Variants in CDS2 observed in about 807,000 individuals in gnomAD.
The protein encoded by CDS2 is CDP-diacylglycerol synthase 2.
A neutral mutation model predicts 59.0 loss-of-function variants in CDS2; 47 were observed. The observed-to-expected ratio is 0.80, with a 90% CI of 0.63 to 1.02. CDS2 has a LOEUF of 1.02. Ranked by LOEUF, CDS2 falls within the 50% of genes least tolerant of loss-of-function variation. The pLI, the probability that CDS2 is intolerant of heterozygous loss-of-function variation, is 0.00. For missense variants in CDS2, 356 were observed against 558.9 expected (o/e 0.64, Z 3.66); for synonymous variants, 207 against 206.4 (o/e 1.00, Z -0.02).
intron 1 of CDS2, among the ~76,000 whole-genome samples, chr20:5,134,631 C>T (rs1219545720): frequency 6.6e-6 from 1 of 152,144 alleles, no homozygotes. Context: ...AGTGATTCTC[C>T]TGCCTCAGCC....
intron 1 of CDS2, among the ~76,000 whole-genome samples, chr20:5,147,876 A>C (rs1283206879): frequency 2.0e-5 from 3 of 152,092 alleles, no homozygotes; most frequent in Non-Finnish European, 1.5e-5. Flanking sequence ...AGGAAAAACC[A>C]GTCTTTCAGC....
rs57279708 is a variant in CDS2 at position 5,176,756 on chromosome 20, C to G, written c.389+11C>G. 1 of 1,594,024 alleles carries G rather than the reference C, an allele frequency of 6.3e-7. No individual in the cohort carries two copies. Among genetic ancestry groups the G allele is most frequent in the South Asian group, 1.1e-5 (1 of 90,658 alleles). On this transcript the variant is annotated intron_variant, in intron 4 of 12. Coordinates refer to ENST00000460006, the MANE Select transcript of CDS2 (RefSeq NM_003818.4). Reference sequence around the variant, plus strand: ...CAGGACGCTCAGCTGGTAAGCTCTCCGGCCCCACAGAGGCTTTTAGAATTT... The same window carrying G: ...CAGGACGCTCAGCTGGTAAGCTCTCGGGCCCCACAGAGGCTTTTAGAATTT...
At chr20:5,149,564 T>G (rs2090772082) in intron 1 of CDS2, among the ~76,000 whole-genome samples, 1 of 152,020 alleles carries the variant, frequency 6.6e-6, no homozygotes, top group African/African-American at 2.4e-5. Flanking sequence ...GGTACTTAAT[T>G]TATATGTTTA....
At chr20:5,179,287 A>T (rs2091016417) in intron 5 of CDS2, among the ~76,000 whole-genome samples, 1 of 152,142 alleles carries the variant, frequency 6.6e-6, no homozygotes, top group African/African-American at 2.4e-5. Flanking sequence ...ATGCCCAGCT[A>T]ATTTTTGTAT....
At chr20:5,149,743 C>A (rs1009685958) in intron 1 of CDS2, among the ~76,000 whole-genome samples, 39 of 151,246 alleles carry the variant, frequency 2.6e-4, no homozygotes, top group African/African-American at 9.2e-4. Context: ...TGAGACAGAA[C>A]GTCGCTCTTT....
intron 1 of CDS2, among the ~76,000 whole-genome samples, chr20:5,166,098 G>A (rs558724171): frequency 1.2e-4 from 19 of 152,294 alleles, no homozygotes; most frequent in African/African-American, 4.6e-4. Flanking sequence ...TGGCGAGAGC[G>A]TAGGTGGGAG....
intron 1 of CDS2, among the ~76,000 whole-genome samples, chr20:5,130,890 GA>G (rs2090600890): frequency 6.6e-6 from 1 of 151,130 alleles, no homozygotes; most frequent in South Asian, 2.1e-4. Flanking sequence ...AGGAGATCGA[GA>G]CCATCCTGGC....
intron 10 of CDS2, chr20:5,187,278 A>G (rs1428309143): frequency 1.1e-5 from 2 of 189,720 alleles, no homozygotes; most frequent in Non-Finnish European, 2.3e-5. Flanking sequence ...GCCAGTTCTA[A>G]TGAATGTCTA....
At position 5,184,841 on chromosome 20, in the gene CDS2, C is replaced by A; in HGVS notation, c.672-17C>A. On this transcript the variant is annotated splice_polypyrimidine_tract_variant and intron_variant, in intron 7 of 12. Transcript: ENST00000460006. This position sits in a 1 kb window ranked among gnomAD's most constrained non-coding sequence, Gnocchi z 4.3. ...GTCACCTTGCTTGAGTTGATCCTTACTTTGGTTCATTTCTAGGTTCATTGT... is the reference window on the plus strand; with the variant it reads ...GTCACCTTGCTTGAGTTGATCCTTAATTTGGTTCATTTCTAGGTTCATTGT... The A allele has an allele frequency of 6.3e-7, 1 of 1,593,488 alleles. No homozygotes were observed. Among genetic ancestry groups the A allele is most frequent in the Non-Finnish European group, 8.6e-7 (1 of 1,161,398 alleles).
chr20:5,162,089 C>T (rs1371354612), intron 1 of CDS2, among the ~76,000 whole-genome samples: 1 of 152,180 alleles, frequency 6.6e-6, no homozygotes, highest in Non-Finnish European at 1.5e-5. Context: ...ACTGTACAAG[C>T]TGCTGTATAC....
intron 1 of CDS2, among the ~76,000 whole-genome samples, chr20:5,151,900 G>A (rs868407161): frequency 5.3e-5 from 8 of 151,108 alleles, no homozygotes; most frequent in Non-Finnish European, 1.0e-4. Context: ...GAGTAGCTGG[G>A]ATTACAGGTA....
Position 5,196,528 on chromosome 20 carries a change from A to T in CDS2, c.*6294A>T, listed in dbSNP as rs2091158741. 6.6e-6 allele frequency: 1 copy of T among 152,206 alleles called. No individual in the cohort carries two copies. Among genetic ancestry groups the T allele is most frequent in the Non-Finnish European group, 1.5e-5 (1 of 68,064 alleles). The allele number at this position is 152,206 out of a possible 1,614,324, so 9.4% of individuals were successfully genotyped here. On this transcript the variant is annotated 3_prime_UTR_variant, in exon 13 of 13. Transcript: ENST00000460006. ...TTAGCCACCTGGTGATTTTGTCTCT[A>T]GTGAAACTGTGTTTGCCGATAATCA... is the stretch of plus-strand genomic sequence containing the variant.
intron 5 of CDS2, among the ~76,000 whole-genome samples, chr20:5,182,034 G>A (rs1268457632): frequency 1.3e-5 from 2 of 152,104 alleles, no homozygotes; most frequent in Non-Finnish European, 2.9e-5. Flanking sequence ...TAAACAAATG[G>A]ACATAACTGT....
At chr20:5,166,526 G>A (rs547600142) in intron 1 of CDS2, among the ~76,000 whole-genome samples, 1 of 152,140 alleles carries the variant, frequency 6.6e-6, no homozygotes, top group East Asian at 1.9e-4. Flanking sequence ...GAGAGTGGGA[G>A]GCAGCAGAAG....
intron 1 of CDS2, among the ~76,000 whole-genome samples, chr20:5,151,847 C>T (rs1251470346): frequency 1.4e-5 from 2 of 145,916 alleles, no homozygotes; most frequent in African/African-American, 5.1e-5. Flanking sequence ...TCGCCACAAC[C>T]TCTGCCTCCC....
At chr20:5,147,299 G>T (rs922307549) in intron 1 of CDS2, among the ~76,000 whole-genome samples, 32 of 152,210 alleles carry the variant, frequency 2.1e-4, no homozygotes, top group African/African-American at 6.8e-4. Context: ...GAGACCAGTT[G>T]TGGTTGCTGG....
At chr20:5,141,388 A>C (rs1255468526) in intron 1 of CDS2, among the ~76,000 whole-genome samples, 5 of 152,234 alleles carry the variant, frequency 3.3e-5, no homozygotes, top group Admixed American at 1.3e-4. Flanking sequence ...TTTAGAGGAC[A>C]GGGTTCAGGG....
intron 1 of CDS2, among the ~76,000 whole-genome samples, chr20:5,153,557 A>G (rs1398105224): frequency 1.3e-5 from 2 of 152,196 alleles, no homozygotes; most frequent in Admixed American, 1.3e-4. Flanking sequence ...TATTTTCCCA[A>G]TAACTCTTAG....
At chr20:5,158,062 T>C (rs1216962359) in intron 1 of CDS2, among the ~76,000 whole-genome samples, 1 of 152,182 alleles carries the variant, frequency 6.6e-6, no homozygotes, top group Admixed American at 6.5e-5. Context: ...TTTTAGCTTA[T>C]CAGCTATCGT....
Sources: allele counts gnomAD v4.1 joint callset (sites outside exome capture counted in the v4.1 genomes callset), GRCh38; gene constraint gnomAD v4.1.1; non-coding constraint Gnocchi (gnomAD v3.1); transcripts MANE v1.5; gene names NCBI Gene and HGNC (gene_info 2026-07-23, HGNC 2026-07-21).